The following PTGER2 variants were observed in gnomAD, a reference collection of about 807,000 sequenced individuals.
PTGER2 encodes prostaglandin E2 receptor EP2 subtype.
PTGER2 carries 22 observed loss-of-function variants against 26.2 expected under a neutral mutation model. The ratio of observed to expected loss-of-function variants is 0.84; its 90% confidence interval spans 0.60 to 1.20. PTGER2 has a LOEUF of 1.20. Ranked by LOEUF, PTGER2 falls within the 50% of genes most tolerant of loss-of-function variation. The probability of loss-of-function intolerance (pLI) is 0.00; values close to 1 mark genes in which losing one functional copy is unlikely to be tolerated. For synonymous variants in PTGER2, 219 were observed against 208.9 expected, an observed-to-expected ratio of 1.05 and a Z score of -0.42; for missense variants, 458 against 475.2, an observed-to-expected ratio of 0.96 and a Z score of 0.34.
At chr14:52,316,040 G>A (rs1009408503) in intron 1 of PTGER2, among the ~76,000 whole-genome samples, 1 of 152,228 alleles carries the variant, frequency 6.6e-6, no homozygotes, top group Non-Finnish European at 1.5e-5. Flanking sequence ...GGCCATGAAA[G>A]TTTATAAAAC....
At position 52,327,454 on chromosome 14, in the gene PTGER2, A is replaced by T; in HGVS notation, c.1077A>T (p.Ter359CysextTer3). The stretch of plus-strand genomic sequence containing the variant: ...ATGCCAGTAAACAGGCTGACCTTTG[A>T]GGTCAGTAGTTTAAAAGTTCTTAGT... Reference protein sequence around the residue: ...QSDASKQADL* With the variant: ...QSDASKQADLC Residue 359 changes from the stop codon to cysteine (C), a stop_lost, in exon 2 of 2, where the codon TGA becomes TGT. Coordinates refer to ENST00000245457, the MANE Select transcript of PTGER2 (RefSeq NM_000956.4). 6.3e-7 allele frequency: 1 copy of T among 1,581,854 alleles called. No homozygotes were observed. The highest frequency in any genetic ancestry group is 2.2e-5 in the East Asian group (1 of 44,704).
At chr14:52,318,379 A>G (rs1328239240) in intron 1 of PTGER2, among the ~76,000 whole-genome samples, 2 of 152,356 alleles carry the variant, frequency 1.3e-5, no homozygotes, top group African/African-American at 4.8e-5. Flanking sequence ...AAAAAGTAAA[A>G]AGAAACAGAG....
chr14:52,315,479 C>A, intron 1 of PTGER2, 88 bp downstream of exon 1: 3 of 1,517,914 alleles, frequency 2.0e-6, no homozygotes, highest in Non-Finnish European at 2.7e-6. Context: ...CACCGCCCTA[C>A]AAACTTTTTG....
intron 1 of PTGER2, among the ~76,000 whole-genome samples, chr14:52,315,938 G>A (rs2033836639): frequency 6.6e-6 from 1 of 152,250 alleles, no homozygotes; most frequent in Non-Finnish European, 1.5e-5. Flanking sequence ...CCCTGAAGCA[G>A]AAGTTTAGAG....
intron 1 of PTGER2, among the ~76,000 whole-genome samples, chr14:52,316,029 T>C (rs1477849076): frequency 6.6e-6 from 1 of 152,248 alleles, no homozygotes; most frequent in East Asian, 1.9e-4. Flanking sequence ...TAACTCTTTG[T>C]GGCCATGAAA....
At chr14:52,320,724 A>G (rs905442836) in intron 1 of PTGER2, among the ~76,000 whole-genome samples, 2 of 152,294 alleles carry the variant, frequency 1.3e-5, no homozygotes, top group South Asian at 4.2e-4. Context: ...ATCAAGGTGT[A>G]CCAAGCTCCA....
chr14:52,318,293 G>A (rs1252300408), intron 1 of PTGER2, among the ~76,000 whole-genome samples: 1 of 152,136 alleles, frequency 6.6e-6, no homozygotes, highest in African/African-American at 2.4e-5. Context: ...GAGTGCACAT[G>A]ATCTGATAGA....
At chr14:52,322,890 T>C (rs944600211) in intron 1 of PTGER2, among the ~76,000 whole-genome samples, 2 of 152,198 alleles carry the variant, frequency 1.3e-5, no homozygotes, top group Non-Finnish European at 2.9e-5. Flanking sequence ...CTTCCCTTGT[T>C]CCCTGAAAAT....
intron 1 of PTGER2, among the ~76,000 whole-genome samples, chr14:52,318,929 G>A (rs10136414): frequency 0.073 from 11,150 of 152,178 alleles, 573 homozygotes; most frequent in East Asian, 0.16. Context: ...TATCTTCACA[G>A]CACCGTAGGA....
In PTGER2 at chr14:52,327,252, G is replaced by A. The variant is rs778942367; in HGVS notation, c.875G>A (p.Arg292Gln). The A allele has an allele frequency of 1.3e-5, 21 of 1,611,544 alleles. No homozygotes were observed. Among genetic ancestry groups the A allele is most frequent in the Middle Eastern group, 1.6e-4 (1 of 6,078 alleles). Reference protein sequence around the residue: ...IFAYMNETSSRKEKWDLQALR... With the variant: ...IFAYMNETSSQKEKWDLQALR... The stretch of plus-strand genomic sequence containing the variant: ...GCATATATGAATGAAACCTCTTCCC[G>A]AAAGGAAAAATGGGACCTCCAAGCT... Residue 292 changes from arginine (R) to glutamine (Q), a missense_variant, in exon 2 of 2, where the codon CGA becomes CAA. Arg to Gln is a conservative substitution (Grantham distance 43). Coordinates refer to ENST00000245457, the MANE Select transcript of PTGER2 (RefSeq NM_000956.4).
Position 52,327,357 on chromosome 14 carries a change from G to C in PTGER2, c.980G>C (p.Arg327Pro), listed in dbSNP as rs756698307. ...ILRPPVLRLM[R>P]SVLCCRISLR... ...AGGCCTCCTGTTCTGAGACTAATGC[G>C]TTCAGTCCTCTGTTGTCGGATTTCA... Residue 327 changes from arginine (R) to proline (P), a missense_variant, in exon 2 of 2, where the codon CGT (arginine) becomes CCT (proline). Transcript: ENST00000245457. 6 of 1,613,284 alleles carry C rather than the reference G, an allele frequency of 3.7e-6. No homozygotes were observed. Among genetic ancestry groups the C allele is most frequent in the Non-Finnish European group, 5.1e-6 (6 of 1,179,430 alleles).
At position 52,314,876 on chromosome 14, in the gene PTGER2, A is replaced by T; in HGVS notation, c.328A>T (p.Thr110Ser). The T allele has an allele frequency of 6.2e-7, 1 of 1,612,962 alleles. No individual in the cohort carries two copies. Among genetic ancestry groups the T allele is most frequent in the Non-Finnish European group, 8.5e-7 (1 of 1,179,954 alleles). ...ACTGGCGCCCGAGAGCCGCGCGTGC[A>T]CCTACTTCGCTTTCGCCATGACCTT... ...VALAPESRAC[T>S]YFAFAMTFFS... Residue 110 changes from threonine (T) to serine (S), a missense_variant, in exon 1 of 2, where the codon ACC becomes TCC. Thr to Ser is a moderately conservative substitution (Grantham distance 58, BLOSUM62 1). Coordinates refer to ENST00000245457, the MANE Select transcript of PTGER2 (RefSeq NM_000956.4). This position sits in a 1 kb window ranked among gnomAD's most constrained non-coding sequence, Gnocchi z 5.7.
intron 1 of PTGER2, among the ~76,000 whole-genome samples, chr14:52,317,751 G>A (rs758271536): frequency 6.6e-6 from 1 of 152,194 alleles, no homozygotes; most frequent in African/African-American, 2.4e-5. Context: ...GATTCCCAAA[G>A]AGCCGGAGAA....
intron 1 of PTGER2, among the ~76,000 whole-genome samples, chr14:52,326,670 T>C (rs1462989939): frequency 6.6e-6 from 1 of 152,210 alleles, no homozygotes; most frequent in Non-Finnish European, 1.5e-5. Context: ...GCAGACCCTG[T>C]CTCGCTGAAT....
rs60167547 is a variant in PTGER2 at position 52,327,295 on chromosome 14, T to A, written c.918T>A (p.Ile306=). 1 of 1,613,702 alleles carries A rather than the reference T, an allele frequency of 6.2e-7. No individual in the cohort carries two copies. Among genetic ancestry groups the A allele is most frequent in the Non-Finnish European group, 8.5e-7 (1 of 1,179,630 alleles). Residue 306 remains isoleucine, a synonymous_variant, in exon 2 of 2, where the codon ATT becomes ATA. Coordinates refer to ENST00000245457, the MANE Select transcript of PTGER2 (RefSeq NM_000956.4). ...WDLQALRFLS[I]NSIIDPWVFA... is the part of the protein sequence containing the mutation. ...TCCAAGCTCTTAGGTTTTTATCAAT[T>A]AATTCAATAATTGACCCTTGGGTCT... is the stretch of plus-strand genomic sequence containing the variant.
At chr14:52,316,080 G>GTCCA (rs1195849952) in intron 1 of PTGER2, among the ~76,000 whole-genome samples, 3 of 152,216 alleles carry the variant, frequency 2.0e-5, no homozygotes, top group African/African-American at 7.2e-5. Flanking sequence ...AATACTTGGA[G>GTCCA]GAACATCTTG....
chr14:52,315,515 TG>T (rs1174707221), intron 1 of PTGER2, 124 bp downstream of exon 1: 2 of 1,283,904 alleles, frequency 1.6e-6, no homozygotes, highest in Non-Finnish European at 2.1e-6. Context: ...TGTCCTAATT[TG>T]TAAAGATCTG....
chr14:52,315,427 G>A lies in PTGER2; in HGVS notation c.843+36G>A, dbSNP rs780775418. ...CCCTACGTTTCCACAGCCCGGCTCT[G>A]CTCAGCCTTCTCATGCTCTCCCCTG... is the stretch of plus-strand genomic sequence containing the variant. On this transcript the variant is annotated intron_variant, in intron 1 of 1. Coordinates refer to ENST00000245457, the MANE Select transcript of PTGER2 (RefSeq NM_000956.4). The A allele has an allele frequency of 8.7e-6, 14 of 1,606,262 alleles. 1 individual carries two copies. In the South Asian group the frequency reaches 1.4e-4, roughly 16 times the overall value.
rs111965614 is a variant in PTGER2, at chr14:52,314,795, T to G, written c.247T>G (p.Cys83Gly). 9,319 of 1,612,730 alleles carry G rather than the reference T, an allele frequency of 5.8e-3. 38 individuals carry two copies. Among genetic ancestry groups the G allele is most frequent in the Middle Eastern group, 7.6e-3 (46 of 6,058 alleles). Residue 83 changes from cysteine to glycine, a missense_variant, in exon 1 of 2, where the codon TGC (cysteine) becomes GGC (glycine). By Grantham distance (159) the Cys-to-Gly change is radical. Transcript: ENST00000245457. The surrounding 1 kb of genome is among the most constrained non-coding windows in gnomAD (Gnocchi z 5.7). The part of the protein sequence containing the change: ...ELVFTDLLGT[C>G]LISPVVLASY... ...GGTGTTCACCGACCTGCTCGGGACC[T>G]GCCTCATCAGCCCAGTGGTACTGGC...
Sources: gnomAD v4.1 joint callset for allele counts (sites outside exome capture counted in the v4.1 genomes callset) on GRCh38, gnomAD v4.1.1 for gene constraint, Gnocchi (gnomAD v3.1) non-coding constraint, MANE v1.5 for transcripts, NCBI Gene and HGNC (gene_info 2026-07-23, HGNC 2026-07-21) for gene names.